The following XPO7 variants were observed in gnomAD, a reference collection of about 807,000 sequenced individuals.
XPO7 encodes the protein exportin-7.
XPO7 carries 21 observed loss-of-function variants against 144.3 expected under a neutral mutation model. The observed-to-expected ratio is 0.15, with a 90% CI of 0.10 to 0.21. The LOEUF is 0.21. Among genes scored for constraint, XPO7 ranks in the 10% least tolerant of loss-of-function variants. The pLI, the probability that XPO7 is intolerant of heterozygous loss-of-function variation, is 1.00. For missense variants in XPO7, 808 were observed against 1,325.8 expected (o/e 0.61, Z 6.06); for synonymous variants, 580 against 499.6 (o/e 1.16, Z -2.15).
At chr8:21,975,322 G>A (rs911186280) in intron 6 of XPO7, among the ~76,000 whole-genome samples, 1 of 152,222 alleles carries the variant, frequency 6.6e-6, no homozygotes, top group Non-Finnish European at 1.5e-5. Flanking sequence ...ACCTGGAGGA[G>A]TAGACAGTAT....
At chr8:21,981,588 C>G in intron 9 of XPO7, 143 bp from the exon 10 acceptor site, 1 of 951,078 alleles carries the variant, frequency 1.1e-6, no homozygotes, top group Non-Finnish European at 1.5e-6. Flanking sequence ...ATTATGCAGA[C>G]GTATCATTCT....
intron 1 of XPO7, among the ~76,000 whole-genome samples, chr8:21,929,959 C>T (rs1810590282): frequency 6.6e-6 from 1 of 152,178 alleles, no homozygotes; most frequent in South Asian, 2.1e-4. Context: ...TGATTCATCA[C>T]TCATGTCAAT....
rs545904829 is a variant in XPO7 at position 21,984,038 on chromosome 8, T to C, written c.1278-608T>C. ...AAGAAATTTCCTCATCAGTTTGGCA[T>C]TAGAATTCACTTGTTACAAAACCGG... On this transcript the variant is annotated intron_variant, in intron 11 of 27. Transcript: ENST00000252512. 2.6e-5 allele frequency among the ~76,000 whole-genome samples: 4 copies of C among 152,374 alleles called. No individual in the cohort carries two copies. In the South Asian group the frequency reaches 8.3e-4, roughly 32 times the overall value.
chr8:21,999,174 A>G lies in XPO7; in HGVS notation c.2512A>G (p.Met838Val), dbSNP rs768187278. ...KLKGISICFS[M>V]LKAALSGSYV... The stretch of plus-strand genomic sequence containing the variant: ...CAAGGGCATCTCCATCTGCTTCTCC[A>G]TGCTGAAGGCTGCTCTCAGTGGGAG... The change falls in exon 23 of 28, where the codon ATG becomes GTG. Residue 838 changes from methionine (M) to valine (V), a missense_variant. This residue lies in a region of XPO7 where 416 missense variants were observed against 612.5 expected (regional missense o/e 0.68). Coordinates refer to ENST00000252512, the MANE Select transcript of XPO7 (RefSeq NM_015024.5). 6.2e-7 allele frequency: 1 copy of G among 1,613,944 alleles called. No individual in the cohort carries two copies. Among genetic ancestry groups the G allele is most frequent in the South Asian group, 1.1e-5 (1 of 91,074 alleles).
In XPO7 at chr8:21,969,527, T is replaced by C. The variant is rs75264141; in HGVS notation, c.210T>C (p.Leu70=). The C allele has an allele frequency of 1.9e-6, 3 of 1,613,848 alleles. No individual in the cohort carries two copies. Among genetic ancestry groups the C allele is most frequent in the East Asian group, 2.2e-5 (1 of 44,874 alleles). ...QLLAATCLTK[L]VSRTNNPLPL... is the part of the protein sequence containing the mutation. ...TGGCAGCTACATGCCTTACCAAGCT[T>C]GTATCACGCACAAACAACCCCCTAC... The change falls in exon 3 of 28, where the codon CTT becomes CTC. Residue 70 remains leucine, a synonymous_variant. Coordinates refer to ENST00000252512, the MANE Select transcript of XPO7 (RefSeq NM_015024.5).
At chr8:21,972,966 G>C (rs1162387757) in intron 5 of XPO7, among the ~76,000 whole-genome samples, 1 of 152,188 alleles carries the variant, frequency 6.6e-6, no homozygotes, top group Non-Finnish European at 1.5e-5. Flanking sequence ...ACACTTTTGA[G>C]TGATTACTGT....
chr8:21,928,868 G>A (rs563419007), intron 1 of XPO7, among the ~76,000 whole-genome samples: 14 of 152,280 alleles, frequency 9.2e-5, no homozygotes, highest in African/African-American at 1.4e-4. Flanking sequence ...TATGTATCCC[G>A]TATGGCTATT....
chr8:21,933,788 G>A (rs1273653174), intron 1 of XPO7, among the ~76,000 whole-genome samples: 1 of 152,112 alleles, frequency 6.6e-6, no homozygotes, highest in African/African-American at 2.4e-5. Flanking sequence ...ACTGTTATCA[G>A]GTTAATGAGG....
chr8:21,941,550 CAA>C (rs1810995354), intron 1 of XPO7, among the ~76,000 whole-genome samples: 1 of 152,062 alleles, frequency 6.6e-6, no homozygotes, highest in Non-Finnish European at 1.5e-5. Context: ...GGAATAATGA[CAA>C]GAAAAACAGT....
At chr8:21,941,133 C>CT (rs34622488) in intron 1 of XPO7, among the ~76,000 whole-genome samples, 17,093 of 145,318 alleles carry the variant, frequency 0.12, 2,631 homozygotes, top group African/African-American at 0.35. Context: ...CTCCTATATG[C>CT]TTTTTTTTTT....
intron 15 of XPO7, among the ~76,000 whole-genome samples, chr8:21,988,194 A>C (rs1489828650): frequency 6.6e-6 from 1 of 152,166 alleles, no homozygotes; most frequent in Admixed American, 6.5e-5. Flanking sequence ...TGCTCCAGGG[A>C]TGCCCAGCAT....
chr8:21,989,636 C>T (rs1812693076), intron 16 of XPO7, among the ~76,000 whole-genome samples: 2 of 151,882 alleles, frequency 1.3e-5, no homozygotes, highest in Admixed American at 1.3e-4. Context: ...TAGCTAGTAC[C>T]ATTCTAAATA....
intron 1 of XPO7, among the ~76,000 whole-genome samples, chr8:21,931,907 T>C (rs1267293328): frequency 6.6e-6 from 1 of 152,162 alleles, no homozygotes; most frequent in East Asian, 1.9e-4. Flanking sequence ...AGTCTTGCTC[T>C]TGTTGCCTAG....
At chr8:21,928,116 A>G (rs1692633985) in intron 1 of XPO7, among the ~76,000 whole-genome samples, 1 of 152,164 alleles carries the variant, frequency 6.6e-6, no homozygotes, top group South Asian at 2.1e-4. Flanking sequence ...TCAGACCCAC[A>G]CAACCCTGTT....
Position 21,989,020 on chromosome 8 carries a change from A to T in XPO7, c.1805A>T (p.Tyr602Phe). The change falls in exon 16 of 28, where the codon TAC (tyrosine) becomes TTC (phenylalanine). Residue 602 changes from tyrosine to phenylalanine, a missense_variant. This residue lies in a region of XPO7 where 416 missense variants were observed against 612.5 expected (regional missense o/e 0.68). Transcript: ENST00000252512. ...FIGKIITNLK[Y>F]WGRCEPITSK... ...TCCTCCAGCATCACCAACTTGAAGT[A>T]CTGGGGCCGTTGTGAACCAATCACC... The T allele has an allele frequency of 1.2e-6, 2 of 1,613,528 alleles. No homozygotes were observed.
At chr8:21,969,403 A>G (rs1811981362) in intron 2 of XPO7, 80 bp from the exon 3 acceptor site, 1 of 1,225,932 alleles carries the variant, frequency 8.2e-7, no homozygotes, top group Non-Finnish European at 1.2e-6. Context: ...CTTGAATCTG[A>G]GCAGAGATCT....
At chr8:21,969,151 A>G (rs1389187229) in intron 2 of XPO7, among the ~76,000 whole-genome samples, 2 of 152,222 alleles carry the variant, frequency 1.3e-5, no homozygotes, top group Non-Finnish European at 2.9e-5. Context: ...TTCTTGGTTT[A>G]AATGAGGGGA....
At chr8:21,940,041 G>C (rs1052325276) in intron 1 of XPO7, among the ~76,000 whole-genome samples, 2 of 152,188 alleles carry the variant, frequency 1.3e-5, no homozygotes, top group African/African-American at 4.8e-5. Context: ...ATGTGAAGTT[G>C]ATCTTCACAC....
chr8:21,963,098 G>A lies in XPO7; in HGVS notation c.19-3759G>A, dbSNP rs374261763. 5.3e-5 allele frequency among the ~76,000 whole-genome samples: 8 copies of A among 152,256 alleles called. No individual in the cohort carries two copies. In the East Asian group the frequency reaches 5.8e-4, roughly 11 times the overall value. On this transcript the variant is annotated intron_variant, in intron 1 of 27. Transcript: ENST00000252512. ...AATTCTTTATATATTTGTGGCATTC[G>A]AATTATGATAATTCAGCTACAAAAT... is the stretch of plus-strand genomic sequence containing the variant.
Sources: gnomAD v4.1 joint callset for allele counts (sites outside exome capture counted in the v4.1 genomes callset) on GRCh38, gnomAD v4.1.1 for gene constraint, gnomAD v4.1.1 regional missense constraint, MANE v1.5 for transcripts, NCBI Gene and HGNC (gene_info 2026-07-23, HGNC 2026-07-21) for gene names.